The following ZNF165 variants were observed in gnomAD, a reference collection of about 807,000 sequenced individuals.
ZNF165 encodes the protein cancer/testis antigen 53.
Under a neutral mutation model 19.6 loss-of-function variants are expected in ZNF165, and 14 were observed. That is an observed-to-expected ratio of 0.71 (90% CI 0.47 to 1.12). The LOEUF (loss-of-function observed/expected upper bound fraction) is 1.12, where lower values mean the gene tolerates loss of function less well. ZNF165 is among the 50% of genes most tolerant of loss of function. ZNF165 has a pLI of 0.00. For missense variants in ZNF165, 504 were observed against 566.3 expected (o/e 0.89, Z 1.12); for synonymous variants, 165 against 195.0 (o/e 0.85, Z 1.28).
At chr6:28,084,968 A>G (rs534692758) in intron 1 of ZNF165, among the ~76,000 whole-genome samples, 3 of 152,148 alleles carry the variant, frequency 2.0e-5, no homozygotes, top group Admixed American at 1.3e-4. Flanking sequence ...AATTGTTCAG[A>G]CTGTTTCTCT....
Position 28,089,060 on chromosome 6 carries a change from G to C in ZNF165, c.1048G>C (p.Gly350Arg). The change falls in exon 4 of 4, where the codon GGG becomes CGG. Residue 350 changes from glycine to arginine, a missense_variant. Coordinates refer to ENST00000683778, the MANE Select transcript of ZNF165 (RefSeq NM_001376491.1). ...GDKTHQCNEC[G>R]KAFRHSSKLA... ...TAAAACTCATCAGTGTAATGAATGT[G>C]GGAAAGCTTTCAGGCACAGCTCAAA... is the stretch of plus-strand genomic sequence containing the variant. 1 of 1,614,196 alleles carries C rather than the reference G, an allele frequency of 6.2e-7. No individual in the cohort carries two copies. The highest frequency in any genetic ancestry group is 8.5e-7 in the Non-Finnish European group (1 of 1,180,026).
intron 1 of ZNF165, 105 bp from the exon 2 acceptor site, chr6:28,085,376 T>C (rs748234612): frequency 2.0e-5 from 24 of 1,207,788 alleles, no homozygotes; most frequent in Non-Finnish European, 2.7e-5. Flanking sequence ...TATGTGGTCT[T>C]TCATCTTCTT....
Position 28,088,926 on chromosome 6 carries a change from C to G in ZNF165, c.914C>G (p.Ser305Ter). 1 of 1,614,122 alleles carries G rather than the reference C, an allele frequency of 6.2e-7. No individual in the cohort carries two copies. Among genetic ancestry groups the G allele is most frequent in the Non-Finnish European group, 8.5e-7 (1 of 1,180,010 alleles). ...GTCDQSFKWNSDFINHQIIYA... is the reference protein window; with the variant it reads ...GTCDQSFKWN ...TGTGACCAGAGCTTCAAATGGAACT[C>G]AGATTTTATTAACCATCAAATAATT... Residue 305 changes from serine to a stop codon, truncating the protein, a stop_gained, in exon 4 of 4, where the codon TCA becomes TGA. Transcript: ENST00000683778. LOFTEE classifies it low-confidence loss of function (END_TRUNC).
chr6:28,085,856 G>A lies in ZNF165; in HGVS notation c.376G>A (p.Asp126Asn). The A allele has an allele frequency of 6.2e-7, 1 of 1,612,756 alleles. No homozygotes were observed. Among genetic ancestry groups the A allele is most frequent in the Non-Finnish European group, 8.5e-7 (1 of 1,180,004 alleles). Residue 126 changes from aspartate (D) to asparagine (N), a missense_variant, in exon 2 of 4, where the codon GAT becomes AAT. By Grantham distance (23) the Asp-to-Asn change is conservative. Coordinates refer to ENST00000683778, the MANE Select transcript of ZNF165 (RefSeq NM_001376491.1). ...SGEEAVTILE[D>N]LERGTDEAVL... is the part of the protein sequence containing the mutation. ...AGAGGAGGCAGTGACCATACTAGAA[G>A]ATTTGGAGAGAGGCACTGATGAAGC...
intron 1 of ZNF165, among the ~76,000 whole-genome samples, chr6:28,083,025 T>C (rs950993293): frequency 2.0e-5 from 3 of 152,154 alleles, no homozygotes; most frequent in African/African-American, 7.2e-5. Context: ...CTAAAAATAA[T>C]ACAAGGACTT....
At chr6:28,087,787 G>C (rs556062260) in intron 3 of ZNF165, among the ~76,000 whole-genome samples, 1 of 152,072 alleles carries the variant, frequency 6.6e-6, no homozygotes, top group East Asian at 1.9e-4. Context: ...TGGAAACCAG[G>C]CTTGGGAATT....
intron 3 of ZNF165, among the ~76,000 whole-genome samples, chr6:28,086,932 G>A (rs1368793308): frequency 6.6e-6 from 1 of 152,172 alleles, no homozygotes; most frequent in Non-Finnish European, 1.5e-5. Flanking sequence ...AGCAAAATAT[G>A]TTCATAGAGA....
chr6:28,089,363 A>G lies in ZNF165; in HGVS notation c.1351A>G (p.Thr451Ala). ...TCTTATTCGACACTTTAGAATTCACACTGGAGAAAAACCCTATGAATGCAG... is the reference window on the plus strand; with the variant it reads ...TCTTATTCGACACTTTAGAATTCACGCTGGAGAAAAACCCTATGAATGCAG... ...SHLIRHFRIHTGEKPYECSEC... is the reference protein window; with the variant it reads ...SHLIRHFRIHAGEKPYECSEC... Residue 451 changes from threonine to alanine, a missense_variant, in exon 4 of 4, where the codon ACT becomes GCT. Coordinates refer to ENST00000683778, the MANE Select transcript of ZNF165 (RefSeq NM_001376491.1). The G allele has an allele frequency of 6.2e-7, 1 of 1,614,250 alleles. No individual in the cohort carries two copies. The highest frequency in any genetic ancestry group is 8.5e-7 in the Non-Finnish European group (1 of 1,180,042).
chr6:28,086,368 C>T (rs1764276436), intron 3 of ZNF165, 58 bp downstream of exon 3: 3 of 1,558,718 alleles, frequency 1.9e-6, no homozygotes, highest in Non-Finnish European at 2.6e-6. Flanking sequence ...AATGAATCTC[C>T]CTCCACAAAC....
At chr6:28,081,859 TA>T (rs1220501318) in intron 1 of ZNF165, among the ~76,000 whole-genome samples, 3 of 152,224 alleles carry the variant, frequency 2.0e-5, no homozygotes, top group African/African-American at 7.2e-5. Flanking sequence ...CTACCAGCTT[TA>T]GGGGGACTCG....
At chr6:28,086,527 T>C (rs1229222412) in intron 3 of ZNF165, among the ~76,000 whole-genome samples, 2 of 152,208 alleles carry the variant, frequency 1.3e-5, no homozygotes, top group Non-Finnish European at 2.9e-5. Flanking sequence ...AAGACCATCC[T>C]GGCTAACATG....
chr6:28,086,503 G>A (rs957382450), intron 3 of ZNF165, among the ~76,000 whole-genome samples, 193 bp downstream of exon 3: 1 of 152,170 alleles, frequency 6.6e-6, no homozygotes, highest in Non-Finnish European at 1.5e-5. Context: ...GGTGGATCAC[G>A]AGGTCAGGAG....
chr6:28,088,399 AATGTTTCTTTC>A (rs1285310035), intron 3 of ZNF165, among the ~76,000 whole-genome samples, 153 bp from the exon 4 acceptor site: 2 of 152,100 alleles, frequency 1.3e-5, no homozygotes, highest in Non-Finnish European at 2.9e-5. Context: ...TGCTCTTACC[AATGTTTCTTTC>A]ATTCCTATCA....
At chr6:28,087,044 T>C (rs1354308159) in intron 3 of ZNF165, among the ~76,000 whole-genome samples, 2 of 152,214 alleles carry the variant, frequency 1.3e-5, no homozygotes, top group African/African-American at 2.4e-5. Context: ...TTTCCTGTTA[T>C]GCTCTTGGTC....
In ZNF165 at chr6:28,081,695, C is replaced by T. The variant is rs562863158; in HGVS notation, c.-1+725C>T. On this transcript the variant is annotated intron_variant, in intron 1 of 3. Coordinates refer to ENST00000683778, the MANE Select transcript of ZNF165 (RefSeq NM_001376491.1). ...ACATGTTCATCCATCAGGAGCCCTG[C>T]TCTTTAACCTCCAACTTTCTCATCA... Among the ~76,000 whole-genome samples the T allele has an allele frequency of 9.2e-5, 14 of 152,288 alleles. No individual in the cohort carries two copies. The South Asian group carries it at 2.9e-3, about 32-fold the overall frequency.
At position 28,085,569 on chromosome 6, in the gene ZNF165, T is replaced by C. The variant is rs1453032989; in HGVS notation, c.89T>C (p.Ile30Thr). Residue 30 changes from isoleucine (I) to threonine (T), a missense_variant, in exon 2 of 4, where the codon ATC (isoleucine) becomes ACC (threonine). Physicochemically the swap from Ile to Thr is moderately conservative, Grantham distance 89. Transcript: ENST00000683778. ...LIVKIEEEEF[I>T]HGQDTCLQRS... ...GTGAAGATAGAAGAGGAAGAATTTATCCATGGGCAGGACACTTGCTTACAG... is the reference window on the plus strand; with the variant it reads ...GTGAAGATAGAAGAGGAAGAATTTACCCATGGGCAGGACACTTGCTTACAG... 1 of 1,614,248 alleles carries C rather than the reference T, an allele frequency of 6.2e-7. No homozygotes were observed. The highest frequency in any genetic ancestry group is 8.5e-7 in the Non-Finnish European group (1 of 1,180,046).
intron 2 of ZNF165, 87 bp downstream of exon 2, chr6:28,085,978 G>T: frequency 6.4e-7 from 1 of 1,550,404 alleles, no homozygotes; most frequent in Non-Finnish European, 8.7e-7. Context: ...TATCTAGCTT[G>T]CAGGAGCTGT....
intron 3 of ZNF165, among the ~76,000 whole-genome samples, chr6:28,087,691 A>G (rs1377466836): frequency 6.6e-6 from 1 of 152,250 alleles, no homozygotes; most frequent in African/African-American, 2.4e-5. Flanking sequence ...TATTGTAGAC[A>G]AAGGACAGCT....
chr6:28,080,883 C>T lies in ZNF165; in HGVS notation c.-88C>T, dbSNP rs1456851513. The T allele has an allele frequency of 6.6e-6, 1 of 152,240 alleles. No homozygotes were observed. Among genetic ancestry groups the T allele is most frequent in the Admixed American group, 6.5e-5 (1 of 15,284 alleles). The allele number at this position is 152,240 out of a possible 1,614,324, so 9.4% of individuals were successfully genotyped here. ...GCATCCCGCCTTCTGCGCAGACTCA[C>T]AAGTCCCTGTGGACGGAATTCTTGA... On this transcript the variant is annotated 5_prime_UTR_variant, in exon 1 of 4. Transcript: ENST00000683778.
Sources: gnomAD v4.1 joint callset for allele counts (sites outside exome capture counted in the v4.1 genomes callset) on GRCh38, gnomAD v4.1.1 for gene constraint, MANE v1.5 for transcripts, NCBI Gene and HGNC (gene_info 2026-07-23, HGNC 2026-07-21) for gene names.